Variants in CNBD1 observed in about 807,000 individuals in gnomAD.
The protein encoded by CNBD1 is cyclic nucleotide binding domain containing 1.
In CNBD1, 71 loss-of-function variants were observed where a neutral mutation model predicts 54.4. The ratio of observed to expected loss-of-function variants is 1.30; its 90% CI spans 1.08 to 1.59. CNBD1 has a LOEUF of 1.59. CNBD1 is among the 40% of genes most tolerant of loss of function. CNBD1 has a pLI of 0.00. For synonymous variants in CNBD1, 182 were observed against 170.7 expected (o/e 1.07, Z -0.51); for missense variants, 659 against 518.0 (o/e 1.27, Z -2.64).
chr8:87,337,804 A>G (rs1008842351), intron 8 of CNBD1, among the ~76,000 whole-genome samples: 1 of 152,138 alleles, frequency 6.6e-6, no homozygotes. Flanking sequence ...CCACCTAGTC[A>G]GTTCTAATGA....
rs540489276 is a variant in CNBD1, at chr8:87,072,810, T to A, written c.431+133056T>A. 1.3e-4 allele frequency among the ~76,000 whole-genome samples: 20 copies of A among 152,056 alleles called. No homozygotes were observed. In the East Asian group the frequency reaches 3.5e-3, roughly 27 times the overall value. On this transcript the variant is annotated intron_variant, in intron 4 of 10. Transcript: ENST00000518476. Reference sequence around the variant, plus strand: ...TTGGGGTTGATTTTCTCGTGTAGGATCTTACTGGGATTATCTGCATTTCCT... The same window carrying A: ...TTGGGGTTGATTTTCTCGTGTAGGAACTTACTGGGATTATCTGCATTTCCT...
At chr8:87,317,068 G>C (rs986133128) in intron 8 of CNBD1, among the ~76,000 whole-genome samples, 5 of 151,748 alleles carry the variant, frequency 3.3e-5, no homozygotes, top group Non-Finnish European at 5.9e-5. Context: ...ACTTATCTCA[G>C]AGGGTTGTTA....
At chr8:86,973,021 T>A (rs1450665341) in intron 4 of CNBD1, among the ~76,000 whole-genome samples, 1 of 152,232 alleles carries the variant, frequency 6.6e-6, no homozygotes, top group Admixed American at 6.5e-5. Context: ...AAAAATCCAC[T>A]TAAGTGTCCC....
At chr8:86,947,734 G>A (rs1807502468) in intron 4 of CNBD1, among the ~76,000 whole-genome samples, 1 of 151,978 alleles carries the variant, frequency 6.6e-6, no homozygotes, top group Non-Finnish European at 1.5e-5. Flanking sequence ...GGGTGTTCGT[G>A]CCCTCAGGCA....
chr8:87,234,330 G>T (rs1033549161), intron 5 of CNBD1, among the ~76,000 whole-genome samples: 3 of 152,142 alleles, frequency 2.0e-5, no homozygotes, highest in Admixed American at 1.3e-4. Flanking sequence ...AGTTTACTTT[G>T]CCCAGCTCCA....
chr8:86,963,620 A>T (rs777351792), intron 4 of CNBD1, among the ~76,000 whole-genome samples: 2 of 152,170 alleles, frequency 1.3e-5, no homozygotes, highest in Non-Finnish European at 2.9e-5. Context: ...AGTCCCAGTA[A>T]CTGGGGACCT....
chr8:87,369,919 T>C (rs1810734305), intron 10 of CNBD1, among the ~76,000 whole-genome samples: 1 of 151,882 alleles, frequency 6.6e-6, no homozygotes, highest in Non-Finnish European at 1.5e-5. Context: ...GATGTTCCCC[T>C]TCCTGTGTCC....
At chr8:87,426,322 T>C (rs1157833883) in intron 2 of CNBD1, among the ~76,000 whole-genome samples, 1 of 152,224 alleles carries the variant, frequency 6.6e-6, no homozygotes, top group African/African-American at 2.4e-5. Context: ...GCTGTTCCTA[T>C]TCGGCCATCT....
chr8:87,335,712 T>C (rs893012929), intron 8 of CNBD1, among the ~76,000 whole-genome samples: 7 of 152,166 alleles, frequency 4.6e-5, no homozygotes, highest in Admixed American at 1.3e-4. Context: ...ACATTTAAGG[T>C]TAATATGGTT....
chr8:87,195,566 T>G (rs1813703536), intron 4 of CNBD1, among the ~76,000 whole-genome samples: 4 of 151,146 alleles, frequency 2.6e-5, no homozygotes, highest in Non-Finnish European at 2.9e-5. Context: ...AATATTGTTT[T>G]TTTTTTTTTT....
chr8:86,981,486 C>T (rs1808486852), intron 4 of CNBD1, among the ~76,000 whole-genome samples: 1 of 152,040 alleles, frequency 6.6e-6, no homozygotes, highest in Admixed American at 6.6e-5. Context: ...GTGAAATCCC[C>T]CTTTAAAGTG....
intron 2 of CNBD1, among the ~76,000 whole-genome samples, chr8:87,394,920 A>G (rs1811382134): frequency 1.3e-5 from 2 of 151,936 alleles, no homozygotes; most frequent in African/African-American, 4.8e-5. Flanking sequence ...AAGATGAGAC[A>G]TTATTACCAT....
chr8:87,225,274 C>T (rs1814454864), intron 5 of CNBD1, among the ~76,000 whole-genome samples: 2 of 147,730 alleles, frequency 1.4e-5, no homozygotes. Context: ...GAACTTCCAA[C>T]ACTATGTTGA....
intron 4 of CNBD1, among the ~76,000 whole-genome samples, chr8:87,060,834 G>T (rs1204109140): frequency 2.0e-5 from 3 of 151,802 alleles, no homozygotes; most frequent in African/African-American, 7.3e-5. Flanking sequence ...AATTAAAGTG[G>T]GTGCAGAGCA....
Position 86,924,645 on chromosome 8 carries a change from T to G in CNBD1, c.273-14951T>G, listed in dbSNP as rs533431612. Among the ~76,000 whole-genome samples the G allele has an allele frequency of 6.6e-5, 10 of 152,282 alleles. No homozygotes were observed. In the South Asian group the frequency reaches 1.7e-3, roughly 25 times the overall value. On this transcript the variant is annotated intron_variant, in intron 3 of 10. Coordinates refer to ENST00000518476, the MANE Select transcript of CNBD1 (RefSeq NM_173538.3). ...TTCAACAAATGTTTCTGAATTGAATTATAAATAGAAGGAATTTAGGCTATA... is the reference window on the plus strand; with the variant it reads ...TTCAACAAATGTTTCTGAATTGAATGATAAATAGAAGGAATTTAGGCTATA...
chr8:87,321,770 C>A (rs1274979522), intron 8 of CNBD1, among the ~76,000 whole-genome samples: 1 of 150,820 alleles, frequency 6.6e-6, no homozygotes, highest in South Asian at 2.1e-4. Context: ...ATTGCCAAGA[C>A]CAATGTCATC....
intron 2 of CNBD1, among the ~76,000 whole-genome samples, chr8:87,410,366 T>C (rs1460846049): frequency 6.6e-6 from 1 of 152,168 alleles, no homozygotes; most frequent in Non-Finnish European, 1.5e-5. Flanking sequence ...CAAATGAAAA[T>C]CTTCTATAAA....
At chr8:86,979,194 G>A (rs1470001549) in intron 4 of CNBD1, among the ~76,000 whole-genome samples, 1 of 151,680 alleles carries the variant, frequency 6.6e-6, no homozygotes, top group African/African-American at 2.4e-5. Context: ...AAGAACAAGA[G>A]TATTTGTCTT....
chr8:87,050,622 C>G (rs370694541), intron 4 of CNBD1, among the ~76,000 whole-genome samples: 1 of 152,172 alleles, frequency 6.6e-6, no homozygotes, highest in African/African-American at 2.4e-5. Context: ...CAGGGTGCAA[C>G]TAAATGTAGA....
Sources: allele counts gnomAD v4.1 joint callset (sites outside exome capture counted in the v4.1 genomes callset), GRCh38; gene constraint gnomAD v4.1.1; transcripts MANE v1.5; gene names NCBI Gene and HGNC (gene_info 2026-07-23, HGNC 2026-07-21).